NRG1: variants seen among roughly 807,000 people sequenced by gnomAD.
NRG1 encodes the protein pro-neuregulin-1, membrane-bound isoform.
NRG1 carries 18 observed loss-of-function variants against 63.8 expected under a neutral mutation model. The observed-to-expected ratio is 0.28, with a 90% confidence interval of 0.19 to 0.42. The LOEUF (loss-of-function observed/expected upper bound fraction) is 0.42, where lower values mean the gene tolerates loss of function less well. Among genes scored for constraint, NRG1 ranks in the 10% least tolerant of loss-of-function variants. The pLI, the probability that NRG1 is intolerant of heterozygous loss-of-function variation, is 1.00. For missense variants in NRG1, 762 were observed against 814.7 expected, an observed-to-expected ratio of 0.94 and a Z score of 0.79; for synonymous variants, 302 against 301.3, an observed-to-expected ratio of 1.00 and a Z score of -0.02.
intron 1 of NRG1, among the ~76,000 whole-genome samples, chr8:32,127,259 C>A (rs1048961023): frequency 1.3e-5 from 2 of 151,816 alleles, no homozygotes; most frequent in Admixed American, 1.3e-4. Flanking sequence ...TCTTAAACTG[C>A]ACCAAAAACC....
chr8:32,044,718 CAAA>C (rs1234975524), intron 1 of NRG1, among the ~76,000 whole-genome samples: 5 of 139,232 alleles, frequency 3.6e-5, no homozygotes, highest in African/African-American at 5.7e-5. Context: ...ACTCTACAGT[CAAA>C]GAAGAAGTGT....
chr8:32,078,370 A>G (rs772849339), intron 1 of NRG1, among the ~76,000 whole-genome samples: 3 of 152,346 alleles, frequency 2.0e-5, no homozygotes, highest in East Asian at 1.9e-4. Context: ...GTTCCTGACC[A>G]GAAGCAGATG....
In NRG1 at chr8:32,382,491, A is replaced by G. The variant is rs1346492425; in HGVS notation, c.38-213337A>G. 1.7e-4 allele frequency among the ~76,000 whole-genome samples: 26 copies of G among 152,318 alleles called. 1 individual carries two copies. Among genetic ancestry groups the G allele is most frequent in the African/African-American group, 5.3e-4 (22 of 41,580 alleles). On this transcript the variant is annotated intron_variant, in intron 1 of 10. Transcript: ENST00000519301. ...CTAACTGGGATATCATACCAGGATG[A>G]TGAATTACCTGTGCAAACTCTCACT...
At chr8:32,311,483 G>A (rs1856798530) in intron 1 of NRG1, among the ~76,000 whole-genome samples, 1 of 152,076 alleles carries the variant, frequency 6.6e-6, no homozygotes, top group East Asian at 1.9e-4. Context: ...GCAAGCACAA[G>A]GCCCTAGAGG....
At chr8:31,742,256 G>C (rs570803991) in intron 1 of NRG1, among the ~76,000 whole-genome samples, 1 of 151,690 alleles carries the variant, frequency 6.6e-6, no homozygotes, top group South Asian at 2.1e-4. Context: ...AGGGAAGGAG[G>C]GGGCTATGAT....
At chr8:32,481,265 G>A (rs1328811735) in intron 1 of NRG1, among the ~76,000 whole-genome samples, 1 of 152,090 alleles carries the variant, frequency 6.6e-6, no homozygotes, top group South Asian at 2.1e-4. Context: ...GATTGCTTGA[G>A]CCTGGCAGGC....
intron 1 of NRG1, among the ~76,000 whole-genome samples, chr8:31,808,692 A>G (rs1262435643): frequency 2.0e-5 from 3 of 152,108 alleles, no homozygotes; most frequent in Non-Finnish European, 4.4e-5. Context: ...ACCTAGACTT[A>G]TAAATCAGTA....
chr8:32,388,964 G>A (rs917507119), intron 1 of NRG1, among the ~76,000 whole-genome samples: 1 of 152,168 alleles, frequency 6.6e-6, no homozygotes, highest in Non-Finnish European at 1.5e-5. Flanking sequence ...AATGCCACCT[G>A]CTTTAAAAAT....
intron 1 of NRG1, among the ~76,000 whole-genome samples, chr8:32,301,583 G>T (rs1855567672): frequency 6.6e-6 from 1 of 152,170 alleles, no homozygotes; most frequent in Non-Finnish European, 1.5e-5. Context: ...AAAGAAAGAG[G>T]TTTATTGGAG....
At chr8:31,979,742 A>G (rs375624406) in intron 1 of NRG1, among the ~76,000 whole-genome samples, 2 of 152,088 alleles carry the variant, frequency 1.3e-5, no homozygotes, top group African/African-American at 2.4e-5. Flanking sequence ...CATACTGTTA[A>G]TAATGAACAA....
At chr8:31,846,146 A>C (rs1203891691) in intron 1 of NRG1, among the ~76,000 whole-genome samples, 1 of 152,238 alleles carries the variant, frequency 6.6e-6, no homozygotes, top group Non-Finnish European at 1.5e-5. Context: ...ACAGATTTTC[A>C]TTCATTTCTT....
chr8:32,271,477 T>C (rs1427134684), intron 1 of NRG1, among the ~76,000 whole-genome samples: 2 of 152,158 alleles, frequency 1.3e-5, no homozygotes, highest in Non-Finnish European at 2.9e-5. Flanking sequence ...TTTTTTATTA[T>C]AAGAAAACAC....
chr8:32,647,996 C>T (rs1854034451), intron 5 of NRG1: 12 of 1,614,156 alleles, frequency 7.4e-6, no homozygotes, highest in African/African-American at 1.3e-5. Flanking sequence ...TCTGCATCGC[C>T]GGCCTCAAGT....
chr8:32,120,650 C>T (rs755475573), intron 1 of NRG1, among the ~76,000 whole-genome samples: 2 of 152,032 alleles, frequency 1.3e-5, no homozygotes, highest in African/African-American at 2.4e-5. Context: ...AGTGCTGAAG[C>T]TCAGCTCATT....
intron 1 of NRG1, among the ~76,000 whole-genome samples, chr8:31,883,229 A>G (rs1007026361): frequency 1.3e-5 from 2 of 152,134 alleles, no homozygotes; most frequent in African/African-American, 2.4e-5. Flanking sequence ...AAAGATTATG[A>G]CTTTCTGAAG....
At chr8:31,731,284 T>C (rs1455893515) in intron 1 of NRG1, among the ~76,000 whole-genome samples, 1 of 152,138 alleles carries the variant, frequency 6.6e-6, no homozygotes, top group African/African-American at 2.4e-5. Context: ...GAAGTCCACA[T>C]GTCCAACTGA....
intron 1 of NRG1, among the ~76,000 whole-genome samples, chr8:31,971,415 A>G (rs1278677680): frequency 6.6e-6 from 1 of 152,170 alleles, no homozygotes; most frequent in Non-Finnish European, 1.5e-5. Flanking sequence ...TTTTAAGTTA[A>G]TATTTTTACA....
chr8:32,444,127 T>C (rs748152213), intron 1 of NRG1, among the ~76,000 whole-genome samples: 1 of 151,226 alleles, frequency 6.6e-6, no homozygotes, highest in African/African-American at 2.4e-5. Flanking sequence ...TGTCTGTCTG[T>C]CTTTTTCTTG....
At chr8:31,843,639 A>G (rs538896349) in intron 1 of NRG1, among the ~76,000 whole-genome samples, 1 of 152,220 alleles carries the variant, frequency 6.6e-6, no homozygotes, top group Non-Finnish European at 1.5e-5. Flanking sequence ...TTCAGATTCA[A>G]TTTGCTAAGA....
Sources: allele counts gnomAD v4.1 joint callset (sites outside exome capture counted in the v4.1 genomes callset), GRCh38; gene constraint gnomAD v4.1.1; transcripts MANE v1.5; gene names NCBI Gene and HGNC (gene_info 2026-07-23, HGNC 2026-07-21).